The following RAB28 variants were observed in gnomAD, a reference collection of about 807,000 sequenced individuals.
RAB28 encodes the protein RAB28, member RAS oncogene family, also known as ras-related protein Rab-28.
Under a neutral mutation model 31.7 loss-of-function variants are expected in RAB28, and 24 were observed. The observed-to-expected ratio is 0.76, with a 90% confidence interval of 0.55 to 1.06. RAB28 has a LOEUF of 1.06. Ranked by LOEUF, RAB28 falls within the 50% of genes least tolerant of loss-of-function variation. The probability of loss-of-function intolerance (pLI) is 0.00; values close to 1 mark genes in which losing one functional copy is unlikely to be tolerated. For synonymous variants in RAB28, 100 were observed against 90.4 expected (o/e 1.11, Z -0.60); for missense variants, 254 against 258.5 (o/e 0.98, Z 0.12).
At chr4:13,468,927 TA>T in intron 3 of RAB28, among the ~76,000 whole-genome samples, 1 of 151,832 alleles carries the variant, frequency 6.6e-6, no homozygotes, top group Non-Finnish European at 1.5e-5. Flanking sequence ...AAAGATAATA[TA>T]AACAACTTTG....
intron 5 of RAB28, among the ~76,000 whole-genome samples, chr4:13,381,107 G>C (rs925427168): frequency 6.6e-6 from 1 of 151,904 alleles, no homozygotes; most frequent in Non-Finnish European, 1.5e-5. Flanking sequence ...CTATAAAATG[G>C]AGATAATCAG....
chr4:13,379,458 A>G (rs942228078), intron 5 of RAB28, among the ~76,000 whole-genome samples: 2 of 152,102 alleles, frequency 1.3e-5, no homozygotes, highest in Non-Finnish European at 2.9e-5. Context: ...GAAAGAGGGA[A>G]AAGGGAACTG....
intron 4 of RAB28, among the ~76,000 whole-genome samples, chr4:13,407,788 A>G (rs1712189847): frequency 6.6e-6 from 1 of 152,050 alleles, no homozygotes; most frequent in African/African-American, 2.4e-5. Context: ...TTGTGAATGG[A>G]AGTTCACTCA....
intron 2 of RAB28, among the ~76,000 whole-genome samples, chr4:13,478,783 C>A (rs1348328198): frequency 1.3e-5 from 2 of 151,682 alleles, no homozygotes; most frequent in African/African-American, 2.4e-5. Flanking sequence ...ATAAACCACT[C>A]TTTCTTTGTT....
chr4:13,474,128 C>G (rs774539638), intron 3 of RAB28, 190 bp downstream of exon 3: 2 of 724,246 alleles, frequency 2.8e-6, no homozygotes, highest in South Asian at 1.4e-5. Context: ...GTTCCCTCAC[C>G]CAAATCACTC....
chr4:13,400,832 T>C (rs917600402), intron 4 of RAB28, among the ~76,000 whole-genome samples: 2 of 152,236 alleles, frequency 1.3e-5, no homozygotes, highest in Non-Finnish European at 2.9e-5. Flanking sequence ...GAGATCACCA[T>C]ATGGCTTATT....
intron 1 of RAB28, among the ~76,000 whole-genome samples, chr4:13,481,867 A>G (rs1577255768): frequency 6.6e-6 from 1 of 152,140 alleles, no homozygotes; most frequent in Non-Finnish European, 1.5e-5. Flanking sequence ...AAATCAGGAT[A>G]CAAGTAAGAA....
chr4:13,467,861 G>A (rs1237710146), intron 3 of RAB28, among the ~76,000 whole-genome samples: 1 of 151,916 alleles, frequency 6.6e-6, no homozygotes, highest in East Asian at 1.9e-4. Flanking sequence ...AACAAGACTT[G>A]ACTGTATATT....
chr4:13,464,033 CA>C (rs1715724299), intron 3 of RAB28, among the ~76,000 whole-genome samples: 1 of 152,022 alleles, frequency 6.6e-6, no homozygotes, highest in Non-Finnish European at 1.5e-5. Context: ...GAGAGACAAA[CA>C]AATCCAAAAA....
At chr4:13,408,709 G>C (rs1343042098) in intron 4 of RAB28, among the ~76,000 whole-genome samples, 1 of 152,108 alleles carries the variant, frequency 6.6e-6, no homozygotes, top group Non-Finnish European at 1.5e-5. Flanking sequence ...TGAGATGCAA[G>C]TATGAGTGAT....
At chr4:13,379,291 T>C (rs534111833) in intron 5 of RAB28, among the ~76,000 whole-genome samples, 1 of 151,416 alleles carries the variant, frequency 6.6e-6, no homozygotes, top group African/African-American at 2.4e-5. Flanking sequence ...CTGAGCAGCA[T>C]TAAGGGCCCA....
At chr4:13,461,601 A>G (rs1715594001) in intron 3 of RAB28, among the ~76,000 whole-genome samples, 1 of 152,234 alleles carries the variant, frequency 6.6e-6, no homozygotes, top group Admixed American at 6.5e-5. Context: ...TAAGAGTCTC[A>G]GCAATGCCAA....
intron 4 of RAB28, among the ~76,000 whole-genome samples, chr4:13,406,179 G>A (rs1186740855): frequency 3.3e-5 from 5 of 152,082 alleles, no homozygotes; most frequent in Admixed American, 3.3e-4. Context: ...AGGCCCCGGT[G>A]TGTGATGTTC....
intron 3 of RAB28, among the ~76,000 whole-genome samples, chr4:13,462,090 A>G (rs1001917137): frequency 2.6e-5 from 4 of 152,344 alleles, no homozygotes; most frequent in East Asian, 1.9e-4. Context: ...GTTCCAAACC[A>G]TAAGGAACTC....
At chr4:13,393,712 T>C (rs1211649563) in intron 4 of RAB28, among the ~76,000 whole-genome samples, 1 of 151,960 alleles carries the variant, frequency 6.6e-6, no homozygotes, top group African/African-American at 2.4e-5. Context: ...AACTATATCA[T>C]AACTTTAAAA....
intron 4 of RAB28, among the ~76,000 whole-genome samples, chr4:13,441,434 C>T (rs921910571): frequency 2.0e-5 from 3 of 152,186 alleles, no homozygotes; most frequent in African/African-American, 7.2e-5. Context: ...TTATAGTCTA[C>T]AGCAATTAAT....
At chr4:13,375,792 CACAG>C (rs1728898604) in intron 6 of RAB28, among the ~76,000 whole-genome samples, 1 of 149,108 alleles carries the variant, frequency 6.7e-6, no homozygotes. Context: ...CACACACACA[CACAG>C]AGAGAGAGAG....
chr4:13,422,933 A>G (rs574273521), intron 4 of RAB28, among the ~76,000 whole-genome samples: 1 of 152,270 alleles, frequency 6.6e-6, no homozygotes, highest in East Asian at 1.9e-4. Flanking sequence ...AATGCCTATC[A>G]AAAAAAGTAC....
intron 4 of RAB28, among the ~76,000 whole-genome samples, chr4:13,421,075 A>G (rs1406693828): frequency 2.0e-5 from 3 of 152,248 alleles, no homozygotes; most frequent in Admixed American, 2.0e-4. Context: ...CACAAAATCA[A>G]TGTGCAAAAA....
Sources: allele counts gnomAD v4.1 joint callset (sites outside exome capture counted in the v4.1 genomes callset), GRCh38; gene constraint gnomAD v4.1.1; transcripts MANE v1.5; gene names NCBI Gene and HGNC (gene_info 2026-07-23, HGNC 2026-07-21).